CLSTN2: variants seen among roughly 807,000 people sequenced by gnomAD.
The protein encoded by CLSTN2 is calsyntenin 2, also known as calsyntenin-2.
In CLSTN2, 48 loss-of-function variants were observed where a neutral mutation model predicts 101.2. The observed-to-expected ratio is 0.47, with a 90% CI of 0.38 to 0.60. CLSTN2 has a LOEUF of 0.60. Ranked by LOEUF, CLSTN2 falls within the 20% of genes least tolerant of loss-of-function variation. The pLI, the probability that CLSTN2 is intolerant of heterozygous loss-of-function variation, is 0.00. For synonymous variants in CLSTN2, 481 were observed against 463.6 expected (o/e 1.04, Z -0.48); for missense variants, 1,160 against 1,238.2 (o/e 0.94, Z 0.95).
rs575100610 is a variant in CLSTN2, at chr3:140,340,743, T to G, written c.233-62886T>G. Among the ~76,000 whole-genome samples, 270 of 152,332 alleles carry G rather than the reference T, an allele frequency of 1.8e-3. 1 individual carries two copies. The highest frequency in any genetic ancestry group is 6.0e-3 in the African/African-American group (248 of 41,570). ...AGATTTCCTAACTTTTTACCTAATG[T>G]CCTTTTTCTGATCCAGGGCCTCATT... On this transcript the variant is annotated intron_variant, in intron 2 of 16. Transcript: ENST00000458420.
chr3:139,984,113 A>G (rs1935982879), intron 1 of CLSTN2, among the ~76,000 whole-genome samples: 2 of 152,176 alleles, frequency 1.3e-5, no homozygotes, highest in South Asian at 2.1e-4. Flanking sequence ...GTTCAAAAAT[A>G]CTCATCATGG....
intron 2 of CLSTN2, among the ~76,000 whole-genome samples, chr3:140,317,511 A>G (rs1352154628): frequency 6.6e-6 from 1 of 152,168 alleles, no homozygotes; most frequent in Non-Finnish European, 1.5e-5. Flanking sequence ...TGTTGGCCAC[A>G]GGACCCCAAT....
intron 1 of CLSTN2, among the ~76,000 whole-genome samples, chr3:140,024,201 G>A (rs1276516250): frequency 1.3e-5 from 2 of 152,180 alleles, no homozygotes; most frequent in Non-Finnish European, 1.5e-5. Flanking sequence ...GGCATCTTTA[G>A]CCCTGATTAA....
chr3:139,940,455 G>C (rs565379226), intron 1 of CLSTN2, among the ~76,000 whole-genome samples: 4 of 152,192 alleles, frequency 2.6e-5, no homozygotes, highest in African/African-American at 9.6e-5. Flanking sequence ...AGCCCAGTTT[G>C]GGGCATGTAA....
At chr3:140,337,814 T>A (rs777992280) in intron 2 of CLSTN2, among the ~76,000 whole-genome samples, 2 of 152,152 alleles carry the variant, frequency 1.3e-5, no homozygotes, top group African/African-American at 2.4e-5. Context: ...CCTTCAGAAG[T>A]CTTTGGATAC....
chr3:140,254,318 T>G (rs375265799), intron 2 of CLSTN2, among the ~76,000 whole-genome samples: 1 of 152,262 alleles, frequency 6.6e-6, no homozygotes, highest in Admixed American at 6.5e-5. Flanking sequence ...CCAAACAAAT[T>G]TATAAGAATG....
At chr3:140,244,974 A>G (rs1323100174) in intron 2 of CLSTN2, among the ~76,000 whole-genome samples, 1 of 152,234 alleles carries the variant, frequency 6.6e-6, no homozygotes, top group East Asian at 1.9e-4. Flanking sequence ...GCTAACATGC[A>G]GGTGCCCCTG....
At chr3:140,227,662 C>A (rs985688747) in intron 2 of CLSTN2, among the ~76,000 whole-genome samples, 1 of 152,210 alleles carries the variant, frequency 6.6e-6, no homozygotes, top group East Asian at 1.9e-4. Flanking sequence ...TCAACAAGGA[C>A]CCCAACCCTG....
At chr3:140,324,785 A>G (rs989652237) in intron 2 of CLSTN2, among the ~76,000 whole-genome samples, 1 of 152,218 alleles carries the variant, frequency 6.6e-6, no homozygotes, top group African/African-American at 2.4e-5. Flanking sequence ...CTTACGTCTC[A>G]TGCATTTTTA....
intron 2 of CLSTN2, among the ~76,000 whole-genome samples, chr3:140,320,589 C>T (rs2087272491): frequency 6.9e-6 from 1 of 145,322 alleles, no homozygotes; most frequent in Non-Finnish European, 1.5e-5. Flanking sequence ...CCCATGCTTC[C>T]ATTGTATTTG....
intron 8 of CLSTN2, 47 bp downstream of exon 8, chr3:140,466,778 G>A (rs773454188): frequency 1.2e-6 from 2 of 1,610,888 alleles, no homozygotes; most frequent in South Asian, 2.2e-5. Flanking sequence ...CTCTGCGGGG[G>A]TGGCCAGTCC....
At chr3:139,989,086 T>TCCTTAGG (rs1178924145) in intron 1 of CLSTN2, among the ~76,000 whole-genome samples, 1 of 152,166 alleles carries the variant, frequency 6.6e-6, no homozygotes, top group Non-Finnish European at 1.5e-5. Flanking sequence ...ATTCAGTCAG[T>TCCTTAGG]CCTTACAGCA....
intron 1 of CLSTN2, among the ~76,000 whole-genome samples, chr3:140,042,315 T>C (rs2007776526): frequency 6.6e-6 from 1 of 152,220 alleles, no homozygotes. Flanking sequence ...TGCGCATAAA[T>C]GGAATTAGAA....
intron 1 of CLSTN2, among the ~76,000 whole-genome samples, chr3:139,999,839 C>T (rs1203590493): frequency 1.3e-5 from 2 of 151,946 alleles, no homozygotes; most frequent in Non-Finnish European, 2.9e-5. Context: ...CCTCTAGTCC[C>T]AGCTACTCAG....
chr3:140,140,044 C>A (rs1357082892), intron 1 of CLSTN2, among the ~76,000 whole-genome samples: 3 of 152,128 alleles, frequency 2.0e-5, no homozygotes, highest in Non-Finnish European at 2.9e-5. Flanking sequence ...TGTTAAAATG[C>A]AGGTTTTCTG....
chr3:140,532,602 CT>C, intron 9 of CLSTN2, 116 bp downstream of exon 9: 1 of 764,404 alleles, frequency 1.3e-6, no homozygotes, highest in Non-Finnish European at 1.9e-6. Flanking sequence ...ATTACTACCC[CT>C]TACAAAAAAA....
chr3:140,427,227 G>GTATATA (rs1485211588), intron 5 of CLSTN2, among the ~76,000 whole-genome samples: 15 of 68,394 alleles, frequency 2.2e-4, no homozygotes, highest in African/African-American at 1.1e-3. Flanking sequence ...ATATATATGT[G>GTATATA]TGTATATATA....
At chr3:140,370,160 G>A (rs140615449) in intron 2 of CLSTN2, among the ~76,000 whole-genome samples, 1,971 of 152,300 alleles carry the variant, frequency 0.013, 22 homozygotes, top group Middle Eastern at 0.024. Flanking sequence ...CCTGGGTTAG[G>A]ATGCACAGCC....
intron 5 of CLSTN2, among the ~76,000 whole-genome samples, chr3:140,428,548 C>T (rs897402291): frequency 3.3e-5 from 5 of 152,230 alleles, no homozygotes; most frequent in African/African-American, 1.2e-4. Context: ...AATCAGCTCT[C>T]CAGCCCCCAA....
Sources: allele counts gnomAD v4.1 joint callset (sites outside exome capture counted in the v4.1 genomes callset), GRCh38; gene constraint gnomAD v4.1.1; transcripts MANE v1.5; gene names NCBI Gene and HGNC (gene_info 2026-07-23, HGNC 2026-07-21).